Variants in UMAD1 observed in about 807,000 individuals in gnomAD.
UMAD1 encodes UBAP1-MVB12-associated (UMA)-domain containing protein 1.
A neutral mutation model predicts 6.1 loss-of-function variants in UMAD1; 8 were observed. That is an observed-to-expected ratio of 1.30 (90% confidence interval 0.76 to 2.35). The LOEUF (loss-of-function observed/expected upper bound fraction) is 2.35. UMAD1 is among the 30% of genes most tolerant of loss of function. UMAD1 has a pLI of 0.00. For synonymous variants in UMAD1, 56 were observed against 31.4 expected (o/e 1.78, Z -2.61); for missense variants, 130 against 78.4 (o/e 1.66, Z -2.49).
chr7:7,876,521 A>T (rs529798955), intron 3 of UMAD1, among the ~76,000 whole-genome samples: 1 of 152,332 alleles, frequency 6.6e-6, no homozygotes, highest in African/African-American at 2.4e-5. Context: ...TCAGTTTATT[A>T]TCCATTCTTC....
chr7:7,768,597 C>A (rs1401709012), intron 2 of UMAD1, among the ~76,000 whole-genome samples: 1 of 152,106 alleles, frequency 6.6e-6, no homozygotes, highest in African/African-American at 2.4e-5. Flanking sequence ...GAATTGCTGC[C>A]TTCAATGTCG....
intron 3 of UMAD1, among the ~76,000 whole-genome samples, chr7:7,813,521 A>G (rs1783065354): frequency 6.6e-6 from 1 of 152,006 alleles, no homozygotes. Flanking sequence ...CTGCCTTTTT[A>G]TGCCACTTGC....
At chr7:7,742,410 G>A (rs1357525852) in intron 2 of UMAD1, 6 of 583,706 alleles carry the variant, frequency 1.0e-5, no homozygotes, top group Non-Finnish European at 2.0e-5. Flanking sequence ...TTGGGCTGCT[G>A]GAAGGTGGGT....
chr7:7,783,176 C>G (rs1231180722), intron 2 of UMAD1, among the ~76,000 whole-genome samples: 16 of 152,210 alleles, frequency 1.1e-4, no homozygotes, highest in Non-Finnish European at 1.8e-4. Flanking sequence ...AAGAGACAGG[C>G]TGGTTGCACC....
At chr7:7,753,909 T>C (rs1442996507) in intron 2 of UMAD1, among the ~76,000 whole-genome samples, 1 of 151,966 alleles carries the variant, frequency 6.6e-6, no homozygotes. Context: ...ACGGGCCCGG[T>C]GTGGTGGCTC....
At chr7:7,779,234 G>T (rs919871196) in intron 2 of UMAD1, among the ~76,000 whole-genome samples, 1 of 152,242 alleles carries the variant, frequency 6.6e-6, no homozygotes, top group East Asian at 1.9e-4. Flanking sequence ...ATAGGATGAT[G>T]TGAAGGCCTC....
intron 2 of UMAD1, among the ~76,000 whole-genome samples, chr7:7,722,313 C>T (rs910665487): frequency 4.6e-5 from 7 of 151,798 alleles, no homozygotes; most frequent in African/African-American, 1.5e-4. Context: ...GGAGTTCCTT[C>T]GTTGGTTTTG....
intron 2 of UMAD1, among the ~76,000 whole-genome samples, chr7:7,792,487 TTTAAAA>T (rs1301590192): frequency 6.6e-6 from 1 of 152,218 alleles, no homozygotes; most frequent in African/African-American, 2.4e-5. Context: ...ATGTAATGTG[TTTAAAA>T]CTGAATTGGT....
chr7:7,718,140 A>G (rs1286706579), intron 2 of UMAD1, among the ~76,000 whole-genome samples: 3 of 152,206 alleles, frequency 2.0e-5, no homozygotes, highest in Non-Finnish European at 4.4e-5. Context: ...AGAAAGTAAA[A>G]CTGGTATTAA....
rs543113707 is a variant in UMAD1, at chr7:7,801,652, A to G, written c.83-18A>G. ...ATATGGTCAAGTTTTAAAAATAGAC[A>G]TATATTTTACTTCATAGGAGATACA... On this transcript the variant is annotated intron_variant, in intron 2 of 3. Transcript: ENST00000682710. The G allele has an allele frequency of 1.7e-5, 12 of 714,898 alleles. No individual in the cohort carries two copies. In the East Asian group the frequency reaches 2.7e-4, roughly 16 times the overall value. The allele number at this position is 714,898 out of a possible 1,614,324, so 44.3% of individuals were successfully genotyped here. A position where few individuals can be genotyped will look rare whatever the true frequency, so the allele number is the denominator to read the frequency against.
rs567021370 is a variant in UMAD1, at chr7:7,784,928, A to G, written c.83-16742A>G. Among the ~76,000 whole-genome samples, 165 of 151,928 alleles carry G rather than the reference A, an allele frequency of 1.1e-3. 2 individuals carry two copies. The Middle Eastern group carries it at 0.017, about 16-fold the overall frequency. On this transcript the variant is annotated intron_variant, in intron 2 of 3. Transcript: ENST00000682710. The stretch of plus-strand genomic sequence containing the variant: ...CAGGCGCCCGCCACCTCGCCCGGCT[A>G]ATTTTTTGTATTTTTAGTAGAGACG...
At chr7:7,767,164 A>G (rs969930435) in intron 2 of UMAD1, among the ~76,000 whole-genome samples, 11 of 124,570 alleles carry the variant, frequency 8.8e-5, no homozygotes, top group African/African-American at 3.1e-4. Flanking sequence ...TCACTCTGTC[A>G]CCCAGGCTGG....
Position 7,673,435 on chromosome 7 carries a change from G to T in UMAD1, c.64G>T (p.Asp22Tyr). 1 of 923,242 alleles carries T rather than the reference G, an allele frequency of 1.1e-6. No individual in the cohort carries two copies. The highest frequency in any genetic ancestry group is 1.7e-6 in the Non-Finnish European group (1 of 585,528). The allele number at this position is 923,242 out of a possible 1,614,324, so 57.2% of individuals were successfully genotyped here. A position where few individuals can be genotyped will look rare whatever the true frequency, so the allele number is the denominator to read the frequency against. Residue 22 changes from aspartate to tyrosine, a missense_variant, in exon 2 of 4, where the codon GAT becomes TAT. Coordinates refer to ENST00000682710, the MANE Select transcript of UMAD1 (RefSeq NM_001302348.2). ...GCCCTCAGTACCAGAGACAGAAGCA[G>T]ATGGATTCGTCCTTTTAGGTGAGTC... ...KKPSVPETEA[D>Y]GFVLLGDTTD... is the part of the protein sequence containing the mutation.
At chr7:7,751,290 CT>C (rs1781673268) in intron 2 of UMAD1, among the ~76,000 whole-genome samples, 1 of 152,096 alleles carries the variant, frequency 6.6e-6, no homozygotes, top group Admixed American at 6.6e-5. Flanking sequence ...GCAAATAAAA[CT>C]TTTAGAGTTG....
chr7:7,813,776 A>G (rs1439780454), intron 3 of UMAD1, among the ~76,000 whole-genome samples: 1 of 152,188 alleles, frequency 6.6e-6, no homozygotes, highest in East Asian at 1.9e-4. Context: ...AACCCATCGG[A>G]GAGCTGTATA....
intron 2 of UMAD1, among the ~76,000 whole-genome samples, chr7:7,716,589 A>G (rs1181110693): frequency 1.3e-5 from 2 of 152,198 alleles, no homozygotes; most frequent in African/African-American, 2.4e-5. Flanking sequence ...CGTGCACAGT[A>G]AAGAGGCAGG....
intron 2 of UMAD1, among the ~76,000 whole-genome samples, chr7:7,753,664 C>T (rs760430921): frequency 3.3e-5 from 5 of 152,120 alleles, no homozygotes; most frequent in Non-Finnish European, 7.3e-5. Context: ...TTTCTCTATC[C>T]GTTCATCTGT....
chr7:7,841,510 C>T (rs1783681600), intron 3 of UMAD1, among the ~76,000 whole-genome samples: 2 of 152,030 alleles, frequency 1.3e-5, no homozygotes, highest in South Asian at 4.2e-4. Context: ...CCTTATGTTG[C>T]TCAGGCAGGT....
At chr7:7,872,647 G>C (rs1784351207) in intron 3 of UMAD1, among the ~76,000 whole-genome samples, 1 of 152,154 alleles carries the variant, frequency 6.6e-6, no homozygotes, top group Non-Finnish European at 1.5e-5. Flanking sequence ...CTTGATGCAG[G>C]GTTGCCACAA....
Sources: allele counts gnomAD v4.1 joint callset (sites outside exome capture counted in the v4.1 genomes callset), GRCh38; gene constraint gnomAD v4.1.1; transcripts MANE v1.5; gene names NCBI Gene and HGNC (gene_info 2026-07-23, HGNC 2026-07-21).